Variants in GRID1 observed in about 807,000 individuals in gnomAD.
The protein encoded by GRID1 is glutamate ionotropic receptor delta type subunit 1.
In GRID1, 28 loss-of-function variants were observed where a neutral mutation model predicts 98.0. The ratio of observed to expected loss-of-function variants is 0.29; its 90% CI spans 0.21 to 0.39. The LOEUF (loss-of-function observed/expected upper bound fraction) is 0.39. Ranked by LOEUF, GRID1 falls within the 10% of genes least tolerant of loss-of-function variation. The pLI is 1.00. For synonymous variants in GRID1, 553 were observed against 538.5 expected (o/e 1.03, Z -0.37); for missense variants, 1,111 against 1,340.5 (o/e 0.83, Z 2.67).
At chr10:86,314,656 C>T (rs1847875090) in intron 2 of GRID1, among the ~76,000 whole-genome samples, 1 of 152,202 alleles carries the variant, frequency 6.6e-6, no homozygotes, top group Non-Finnish European at 1.5e-5. Context: ...CAGAACAAGA[C>T]CCCCTGAGGA....
chr10:86,364,873 G>A (rs1027598802), intron 1 of GRID1, among the ~76,000 whole-genome samples: 1 of 152,230 alleles, frequency 6.6e-6, no homozygotes, highest in Non-Finnish European at 1.5e-5. Context: ...AGCTCCTCCA[G>A]GGCGCCCTCC....
chr10:86,286,797 G>A (rs536718413), intron 2 of GRID1, among the ~76,000 whole-genome samples: 5 of 152,308 alleles, frequency 3.3e-5, no homozygotes, highest in Admixed American at 1.3e-4. Context: ...TCTGGGCGCC[G>A]GCAGGGTTGA....
At chr10:86,196,645 A>G (rs1222959379) in intron 3 of GRID1, among the ~76,000 whole-genome samples, 1 of 152,076 alleles carries the variant, frequency 6.6e-6, no homozygotes, top group Non-Finnish European at 1.5e-5. Flanking sequence ...TGTGTTTTGT[A>G]GTCATTCTTG....
chr10:85,641,474 GC>G (rs1380855624), intron 13 of GRID1, among the ~76,000 whole-genome samples: 1 of 152,168 alleles, frequency 6.6e-6, no homozygotes, highest in Admixed American at 6.5e-5. Context: ...AGAGGCACAA[GC>G]AAAATGTACA....
chr10:86,044,374 C>T (rs1169651114), intron 4 of GRID1, among the ~76,000 whole-genome samples: 2 of 152,226 alleles, frequency 1.3e-5, no homozygotes, highest in Non-Finnish European at 2.9e-5. Flanking sequence ...TAGTGAGTGA[C>T]TTTACCTCGG....
intron 4 of GRID1, among the ~76,000 whole-genome samples, chr10:85,945,907 C>T (rs1842048120): frequency 6.6e-6 from 1 of 152,170 alleles, no homozygotes; most frequent in South Asian, 2.1e-4. Flanking sequence ...ATATTTCCGA[C>T]CATTCATTTT....
chr10:85,811,595 G>A (rs1383414130), intron 8 of GRID1, among the ~76,000 whole-genome samples: 12 of 151,932 alleles, frequency 7.9e-5, no homozygotes, highest in Non-Finnish European at 1.0e-4. Flanking sequence ...AACAACAGAC[G>A]AGACCAAGCA....
chr10:86,162,040 C>G (rs113946936), intron 3 of GRID1, among the ~76,000 whole-genome samples: 1 of 152,130 alleles, frequency 6.6e-6, no homozygotes, highest in Non-Finnish European at 1.5e-5. Context: ...TCTGGAGGGA[C>G]GGCAAGACAC....
chr10:86,100,768 G>T (rs987662502), intron 4 of GRID1, among the ~76,000 whole-genome samples: 1 of 152,212 alleles, frequency 6.6e-6, no homozygotes, highest in Admixed American at 6.5e-5. Flanking sequence ...CGCAGGACGT[G>T]TCTTCTTGTG....
At chr10:86,350,506 G>A (rs1425254620) in intron 2 of GRID1, among the ~76,000 whole-genome samples, 2 of 152,168 alleles carry the variant, frequency 1.3e-5, no homozygotes, top group African/African-American at 2.4e-5. Flanking sequence ...GGAGAGCACC[G>A]GCTTGGCTGC....
At chr10:86,363,864 C>A in intron 2 of GRID1, 77 bp downstream of exon 2, 1 of 1,318,114 alleles carries the variant, frequency 7.6e-7, no homozygotes, top group Non-Finnish European at 1.1e-6. Flanking sequence ...CCAGCTCGTC[C>A]CAACCCCTCC....
At chr10:85,883,482 T>TTCTCTCTCTGTCTCTC (rs1841065294) in intron 5 of GRID1, among the ~76,000 whole-genome samples, 1 of 150,298 alleles carries the variant, frequency 6.7e-6, no homozygotes, top group Non-Finnish European at 1.5e-5. Flanking sequence ...TCCTTTGTCC[T>TTCTCTCTCTGTCTCTC]TCTCTCTCTG....
At chr10:86,020,435 T>G (rs1361298575) in intron 4 of GRID1, among the ~76,000 whole-genome samples, 1 of 152,208 alleles carries the variant, frequency 6.6e-6, no homozygotes, top group Admixed American at 6.5e-5. Flanking sequence ...TGGGCCCTTG[T>G]GTGCATATGG....
intron 8 of GRID1, among the ~76,000 whole-genome samples, chr10:85,835,607 C>T (rs1358538167): frequency 6.6e-6 from 1 of 152,158 alleles, no homozygotes; most frequent in Non-Finnish European, 1.5e-5. Flanking sequence ...AAACCTCTTT[C>T]CTTTAAAAAT....
chr10:85,735,395 G>A (rs1186693955), intron 8 of GRID1, among the ~76,000 whole-genome samples: 1 of 152,148 alleles, frequency 6.6e-6, no homozygotes, highest in East Asian at 1.9e-4. Flanking sequence ...GAGATATATG[G>A]CCTCAAAATC....
At chr10:86,011,759 C>T (rs746663012) in intron 4 of GRID1, among the ~76,000 whole-genome samples, 3 of 152,170 alleles carry the variant, frequency 2.0e-5, no homozygotes, top group Non-Finnish European at 4.4e-5. Flanking sequence ...AGCTATTTAA[C>T]AGAAATATAA....
At chr10:85,676,256 C>T (rs57726145) in intron 12 of GRID1, among the ~76,000 whole-genome samples, 3,053 of 152,168 alleles carry the variant, frequency 0.02, 92 homozygotes, top group African/African-American at 0.068. Flanking sequence ...AGGGACCTGC[C>T]TCCCCTGGAG....
rs925587109 is a variant in GRID1 at position 85,916,160 on chromosome 10, G to A, written c.780+26C>T. 1.9e-6 allele frequency: 3 copies of A among 1,575,116 alleles called. No homozygotes were observed. Among genetic ancestry groups the A allele is most frequent in the Non-Finnish European group, 2.6e-6 (3 of 1,144,664 alleles). ...GGGCTAGGGGCTCAGTCCAGGCCGT[G>A]CTCATCACATTTCTAGAGCCCTTAC... On this transcript the variant is annotated intron_variant, in intron 5 of 15. Coordinates refer to ENST00000327946, the MANE Select transcript of GRID1 (RefSeq NM_017551.3). The surrounding 1 kb of genome is among the most constrained non-coding windows in gnomAD (Gnocchi z 4.0).
intron 3 of GRID1, among the ~76,000 whole-genome samples, chr10:86,202,553 A>G (rs918019596): frequency 1.7e-4 from 26 of 152,208 alleles, no homozygotes; most frequent in African/African-American, 5.3e-4. Flanking sequence ...TCTCTCTCAA[A>G]TGTCGTCTTC....
Sources: gnomAD v4.1 joint callset for allele counts (sites outside exome capture counted in the v4.1 genomes callset) on GRCh38, gnomAD v4.1.1 for gene constraint, Gnocchi (gnomAD v3.1) non-coding constraint, MANE v1.5 for transcripts, NCBI Gene and HGNC (gene_info 2026-07-23, HGNC 2026-07-21) for gene names.